The following LRRC7 variants were observed in gnomAD, a reference collection of about 807,000 sequenced individuals.
LRRC7 encodes the protein leucine-rich repeat-containing protein 7.
Under a neutral mutation model 175.7 loss-of-function variants are expected in LRRC7, and 23 were observed. The ratio of observed to expected loss-of-function variants is 0.13; its 90% CI spans 0.09 to 0.19. The LOEUF is 0.19. Ranked by LOEUF, LRRC7 falls within the 10% of genes least tolerant of loss-of-function variation. LRRC7 has a pLI of 1.00. For missense variants in LRRC7, 1,354 were observed against 1,904.7 expected, an observed-to-expected ratio of 0.71 and a Z score of 5.38; for synonymous variants, 685 against 680.9, an observed-to-expected ratio of 1.01 and a Z score of -0.09.
intron 23 of LRRC7, among the ~76,000 whole-genome samples, chr1:70,068,872 C>T (rs1355469553): frequency 6.6e-6 from 1 of 152,068 alleles, no homozygotes; most frequent in Non-Finnish European, 1.5e-5. Flanking sequence ...TGCACCACCA[C>T]AGTGGCTAAT....
intron 7 of LRRC7, among the ~76,000 whole-genome samples, chr1:69,881,976 A>C (rs12403747): frequency 0.013 from 1,891 of 151,058 alleles, 26 homozygotes; most frequent in Middle Eastern, 0.11. Context: ...GTTAATATCC[A>C]AAATATATTT....
intron 7 of LRRC7, among the ~76,000 whole-genome samples, chr1:69,840,548 T>A (rs1307704488): frequency 6.6e-6 from 1 of 152,082 alleles, no homozygotes; most frequent in Non-Finnish European, 1.5e-5. Flanking sequence ...CAAAATGTGA[T>A]TGTGTGCAAG....
At chr1:69,815,409 A>G (rs893926672) in intron 4 of LRRC7, among the ~76,000 whole-genome samples, 1 of 152,164 alleles carries the variant, frequency 6.6e-6, no homozygotes, top group African/African-American at 2.4e-5. Flanking sequence ...TCTCTTTAGT[A>G]TCCTCAGAAG....
intron 1 of LRRC7, among the ~76,000 whole-genome samples, chr1:69,632,489 A>G (rs1344001896): frequency 6.6e-6 from 1 of 152,204 alleles, no homozygotes; most frequent in Non-Finnish European, 1.5e-5. Flanking sequence ...TTAGAGAGAT[A>G]AAGCCCACTT....
At position 69,816,167 on chromosome 1, in the gene LRRC7, G is replaced by A. The variant is rs192711530; in HGVS notation, c.422-9581G>A. Among the ~76,000 whole-genome samples, 1,052 of 151,940 alleles carry A rather than the reference G, an allele frequency of 6.9e-3. 12 individuals are homozygous for A. Among genetic ancestry groups the A allele is most frequent in the African/African-American group, 0.024 (987 of 41,420 alleles). On this transcript the variant is annotated intron_variant, in intron 4 of 26. Transcript: ENST00000651989. ...TCATTTTTGTACTTTTAGTACAGAC[G>A]GGGTTTCACCATGTTGGCCAGGCTA...
At chr1:70,044,375 A>T (rs1199636407) in intron 22 of LRRC7, among the ~76,000 whole-genome samples, 1 of 151,976 alleles carries the variant, frequency 6.6e-6, no homozygotes, top group Non-Finnish European at 1.5e-5. Context: ...TTTTCTTATT[A>T]TTCATTTCCT....
At chr1:69,700,128 A>C (rs1663160103) in intron 2 of LRRC7, among the ~76,000 whole-genome samples, 2 of 152,098 alleles carry the variant, frequency 1.3e-5, no homozygotes, top group Non-Finnish European at 2.9e-5. Context: ...AGATCTAGGG[A>C]TCCAAAAGGT....
intron 10 of LRRC7, among the ~76,000 whole-genome samples, chr1:69,992,139 A>T (rs1370673385): frequency 6.6e-6 from 1 of 152,130 alleles, no homozygotes; most frequent in Non-Finnish European, 1.5e-5. Flanking sequence ...GATAGTAGTA[A>T]TAGTACCTGA....
Position 70,039,679 on chromosome 1 carries a change from C to T in LRRC7, c.3855C>T (p.Asn1285=), listed in dbSNP as rs755284731. The change falls in exon 21 of 27, where the codon AAC becomes AAT. Residue 1285 remains asparagine, a synonymous_variant. Transcript: ENST00000651989. ...ACTATGGTGACAAGCCATCAGATAA[C>T]AGTGATTTAAAGACGAGGCCTACTC... is the stretch of plus-strand genomic sequence containing the variant. The part of the protein sequence containing the change: ...LGNYGDKPSD[N]SDLKTRPTPV... The T allele has an allele frequency of 3.1e-6, 5 of 1,614,044 alleles. No individual in the cohort carries two copies. The highest frequency in any genetic ancestry group is 4.2e-6 in the Non-Finnish European group (5 of 1,179,986).
intron 22 of LRRC7, among the ~76,000 whole-genome samples, chr1:70,049,554 T>G (rs951059217): frequency 5.3e-5 from 8 of 152,088 alleles, no homozygotes; most frequent in Non-Finnish European, 1.2e-4. Context: ...TTTCTAATTA[T>G]GAAAAAAGCT....
chr1:69,754,436 C>G (rs557611092), intron 2 of LRRC7, among the ~76,000 whole-genome samples: 1 of 152,058 alleles, frequency 6.6e-6, no homozygotes, highest in South Asian at 2.1e-4. Flanking sequence ...TTGGAGGAAT[C>G]AAAATTGATG....
At chr1:69,726,304 G>A (rs1293001811) in intron 2 of LRRC7, among the ~76,000 whole-genome samples, 1 of 152,144 alleles carries the variant, frequency 6.6e-6, no homozygotes, top group Non-Finnish European at 1.5e-5. Context: ...TTCCTTGAAA[G>A]AAATTGGATG....
chr1:70,049,925 C>T (rs1350633662), intron 22 of LRRC7, among the ~76,000 whole-genome samples: 3 of 151,922 alleles, frequency 2.0e-5, no homozygotes, highest in Non-Finnish European at 1.5e-5. Flanking sequence ...AAAAGAGATC[C>T]TTGTATTCTT....
At chr1:69,816,167 G>T (rs192711530) in intron 4 of LRRC7, among the ~76,000 whole-genome samples, 1 of 151,942 alleles carries the variant, frequency 6.6e-6, no homozygotes, top group Non-Finnish European at 1.5e-5. Flanking sequence ...TAGTACAGAC[G>T]GGGTTTCACC....
At chr1:69,842,884 T>A (rs1383640354) in intron 7 of LRRC7, among the ~76,000 whole-genome samples, 1 of 152,098 alleles carries the variant, frequency 6.6e-6, no homozygotes, top group Non-Finnish European at 1.5e-5. Flanking sequence ...TTGCCTTTTA[T>A]GTAAAATAAG....
chr1:69,946,746 T>C (rs956196028), intron 8 of LRRC7, among the ~76,000 whole-genome samples: 1 of 152,014 alleles, frequency 6.6e-6, no homozygotes, highest in African/African-American at 2.4e-5. Context: ...GCATGGAATA[T>C]CTTTTTTCAT....
At chr1:69,634,882 C>G (rs116741039) in intron 1 of LRRC7, among the ~76,000 whole-genome samples, 6 of 152,036 alleles carry the variant, frequency 3.9e-5, no homozygotes, top group Admixed American at 3.3e-4. Context: ...TTTGACTGAG[C>G]GGAAAATTGA....
intron 2 of LRRC7, among the ~76,000 whole-genome samples, chr1:69,759,062 C>T (rs560543463): frequency 6.6e-6 from 1 of 151,888 alleles, no homozygotes; most frequent in Non-Finnish European, 1.5e-5. Flanking sequence ...ATAGCCCACA[C>T]AATTAGGAAA....
chr1:69,579,656 C>A (rs1483035658), intron 1 of LRRC7, among the ~76,000 whole-genome samples: 1 of 152,150 alleles, frequency 6.6e-6, no homozygotes, highest in Non-Finnish European at 1.5e-5. Flanking sequence ...CTGAATGCCT[C>A]TAAATGACTC....
Sources: gnomAD v4.1 joint callset for allele counts (sites outside exome capture counted in the v4.1 genomes callset) on GRCh38, gnomAD v4.1.1 for gene constraint, MANE v1.5 for transcripts, NCBI Gene and HGNC (gene_info 2026-07-23, HGNC 2026-07-21) for gene names.